The following TUBB6 variants were observed in gnomAD, a reference collection of about 807,000 sequenced individuals.
The protein encoded by TUBB6 is tubulin beta-6 chain.
TUBB6 carries 18 observed loss-of-function variants against 32.3 expected under a neutral mutation model. The ratio of observed to expected loss-of-function variants is 0.56; its 90% CI spans 0.39 to 0.83. The LOEUF is 0.83. Among genes scored for constraint, TUBB6 ranks in the 40% least tolerant of loss-of-function variants. The probability of loss-of-function intolerance (pLI) is 0.00; values close to 1 mark genes in which losing one functional copy is unlikely to be tolerated. For missense variants in TUBB6, 480 were observed against 632.0 expected (o/e 0.76, Z 2.58); for synonymous variants, 280 against 265.8 (o/e 1.05, Z -0.52).
chr18:12,310,838 G>C (rs1906335881), intron 2 of TUBB6, 105 bp from the exon 3 acceptor site: 1 of 704,028 alleles, frequency 1.4e-6, no homozygotes, highest in African/African-American at 1.8e-5. Context: ...AAAGACCCTG[G>C]TTGATCCATT....
At chr18:12,316,826 C>T (rs1906697534) in intron 3 of TUBB6, among the ~76,000 whole-genome samples, 1 of 152,084 alleles carries the variant, frequency 6.6e-6, no homozygotes, top group Non-Finnish European at 1.5e-5. Flanking sequence ...ATTCCATTTC[C>T]AAATAGAGTT....
intron 3 of TUBB6, among the ~76,000 whole-genome samples, chr18:12,314,938 A>G (rs1228330248): frequency 6.8e-6 from 1 of 147,632 alleles, no homozygotes; most frequent in Non-Finnish European, 1.5e-5. Flanking sequence ...TTTAATTTGT[A>G]CTTTGCTTTG....
intron 2 of TUBB6, among the ~76,000 whole-genome samples, chr18:12,309,822 C>G (rs955048627): frequency 2.0e-5 from 3 of 152,174 alleles, no homozygotes; most frequent in African/African-American, 7.2e-5. Context: ...AATTTCCACA[C>G]AAGAACACTC....
chr18:12,314,498 C>T (rs1906563882), intron 3 of TUBB6, among the ~76,000 whole-genome samples: 1 of 152,090 alleles, frequency 6.6e-6, no homozygotes, highest in African/African-American at 2.4e-5. Flanking sequence ...CACACCTCTT[C>T]TTTGATAGGC....
At chr18:12,323,055 T>A (rs180680281) in intron 3 of TUBB6, among the ~76,000 whole-genome samples, 1 of 152,240 alleles carries the variant, frequency 6.6e-6, no homozygotes, top group East Asian at 1.9e-4. Context: ...TCTAGTTTTT[T>A]CAAATGTTCA....
chr18:12,316,388 T>G (rs181193626), intron 3 of TUBB6, among the ~76,000 whole-genome samples: 2 of 152,242 alleles, frequency 1.3e-5, no homozygotes, highest in Non-Finnish European at 2.9e-5. Flanking sequence ...AGTTATCTAA[T>G]TGTCCCTGTA....
In TUBB6 at chr18:12,310,934, C is replaced by T; in HGVS notation, c.167-9C>T. ...AGTAACTCTTGTGGGTGGTTCTTTTCTCCTCCAGCTCAGAAATATGTGCCC... is the reference window on the plus strand; with the variant it reads ...AGTAACTCTTGTGGGTGGTTCTTTTTTCCTCCAGCTCAGAAATATGTGCCC... On this transcript the variant is annotated splice_polypyrimidine_tract_variant and intron_variant, in intron 2 of 3. Transcript: ENST00000317702. The T allele has an allele frequency of 6.3e-7, 1 of 1,589,226 alleles. No homozygotes were observed. Among genetic ancestry groups the T allele is most frequent in the Non-Finnish European group, 8.6e-7 (1 of 1,169,354 alleles).
chr18:12,308,243 T>TAA lies in TUBB6; in HGVS notation c.-50_-49insAA. On this transcript the variant is annotated 5_prime_UTR_variant, in exon 1 of 4. The change creates a new upstream start codon in the 5' untranslated region. Coordinates refer to ENST00000317702, the MANE Select transcript of TUBB6 (RefSeq NM_032525.3). ...CGGGACGCGCGCAGCCGGCCCGCAG[T>TAA]TGCCGCTGTCGTCCGCAGAGCCAGT... is the stretch of plus-strand genomic sequence containing the variant. 3 of 1,333,954 alleles carry TAA rather than the reference T, an allele frequency of 2.2e-6. No homozygotes were observed. The highest frequency in any genetic ancestry group is 2.9e-6 in the Non-Finnish European group (3 of 1,031,286). 82.6% of individuals were successfully genotyped at this position (1,333,954 alleles called of 1,614,324 possible). A position where few individuals can be genotyped will look rare whatever the true frequency, so the allele number is the denominator to read the frequency against.
intron 1 of TUBB6, 59 bp downstream of exon 1, chr18:12,308,408 T>A: frequency 8.0e-7 from 1 of 1,252,466 alleles, no homozygotes; most frequent in Non-Finnish European, 1.0e-6. Context: ...GCCCCGGGTC[T>A]CCCGGCGCGA....
downstream of TUBB6, among the ~76,000 whole-genome samples, chr18:12,328,158 A>G (rs1287052009): frequency 6.6e-6 from 1 of 152,252 alleles, no homozygotes; most frequent in East Asian, 1.9e-4. Context: ...TGCCGGGGAC[A>G]GGTGGGTATC....
intron 3 of TUBB6, among the ~76,000 whole-genome samples, chr18:12,323,184 C>T (rs1907076881): frequency 6.6e-6 from 1 of 152,072 alleles, no homozygotes; most frequent in Non-Finnish European, 1.5e-5. Flanking sequence ...CAGTGTACGC[C>T]ACCCTGGGTG....
At chr18:12,315,622 G>A (rs989068114) in intron 3 of TUBB6, among the ~76,000 whole-genome samples, 3 of 152,192 alleles carry the variant, frequency 2.0e-5, no homozygotes, top group Non-Finnish European at 2.9e-5. Context: ...AATTGTCAGC[G>A]TAAAACAGAG....
chr18:12,308,400 C>T, intron 1 of TUBB6, 51 bp downstream of exon 1: 2 of 1,277,036 alleles, frequency 1.6e-6, no homozygotes, highest in Non-Finnish European at 2.0e-6. Flanking sequence ...GCTGGCGGGC[C>T]CCGGGTCTCC....
intron 3 of TUBB6, among the ~76,000 whole-genome samples, chr18:12,317,426 C>T (rs2144145963): frequency 6.6e-6 from 1 of 152,048 alleles, no homozygotes; most frequent in East Asian, 1.9e-4. Flanking sequence ...GGTGTTTGCG[C>T]CACTGCACTC....
At chr18:12,323,881 C>A (rs1439369781) in intron 3 of TUBB6, among the ~76,000 whole-genome samples, 1 of 151,902 alleles carries the variant, frequency 6.6e-6, no homozygotes, top group Non-Finnish European at 1.5e-5. Context: ...GCATAAAATA[C>A]AGAAGTCTTT....
downstream of TUBB6, chr18:12,328,995 A>T (rs1191956934): frequency 1.7e-6 from 1 of 594,020 alleles, no homozygotes; most frequent in Non-Finnish European, 3.0e-6. Context: ...TAAAGAAGCC[A>T]TATTTACATA....
chr18:12,308,841 G>C, intron 2 of TUBB6, 46 bp downstream of exon 2: 1 of 1,319,122 alleles, frequency 7.6e-7, no homozygotes, highest in Non-Finnish European at 1.1e-6. Flanking sequence ...GACCCGCGTG[G>C]ACGCTCCGGC....
rs775912064 is a variant in TUBB6, at chr18:12,308,319, G to A, written c.27G>A (p.Ala9=). Residue 9 remains alanine (A), a synonymous_variant, in exon 1 of 4, where the codon GCG becomes GCA. Transcript: ENST00000317702. The part of the protein sequence containing the change: MREIVHIQ[A]GQCGNQIGTK... ...TGAGGGAGATCGTGCACATCCAGGC[G>A]GGCCAGTGCGGGAACCAGATCGGCA... is the stretch of plus-strand genomic sequence containing the variant. 4 of 1,482,178 alleles carry A rather than the reference G, an allele frequency of 2.7e-6. No homozygotes were observed. The highest frequency in any genetic ancestry group is 2.9e-5 in the East Asian group (1 of 33,940). 91.8% of individuals were successfully genotyped at this position (1,482,178 alleles called of 1,614,324 possible). A position where few individuals can be genotyped will look rare whatever the true frequency, so the allele number is the denominator to read the frequency against.
Position 12,325,796 on chromosome 18 carries a change from A to G in TUBB6, c.1007A>G (p.Lys336Arg). ...VDEQMLAIQS[K>R]NSSYFVEWIP... is the part of the protein sequence containing the mutation. ...GAGCAGATGCTGGCCATCCAGAGTA[A>G]GAACAGCAGCTACTTCGTGGAGTGG... The change falls in exon 4 of 4, where the codon AAG becomes AGG. Residue 336 changes from lysine (K) to arginine (R), a missense_variant. By Grantham distance (26) the Lys-to-Arg change is conservative. Transcript: ENST00000317702. 6.2e-7 allele frequency: 1 copy of G among 1,614,242 alleles called. No homozygotes were observed. The highest frequency in any genetic ancestry group is 1.1e-5 in the South Asian group (1 of 91,092).
Sources: gnomAD v4.1 joint callset for allele counts (sites outside exome capture counted in the v4.1 genomes callset) on GRCh38, gnomAD v4.1.1 for gene constraint, MANE v1.5 for transcripts, NCBI Gene and HGNC (gene_info 2026-07-23, HGNC 2026-07-21) for gene names.